Variants in INHBC observed in about 807,000 individuals in gnomAD.
The protein encoded by INHBC is inhibin subunit beta C.
A neutral mutation model predicts 12.4 loss-of-function variants in INHBC; 10 were observed. That is an observed-to-expected ratio of 0.81 (90% CI 0.50 to 1.37). The LOEUF (loss-of-function observed/expected upper bound fraction) is 1.37. Ranked by LOEUF, INHBC falls within the 40% of genes most tolerant of loss-of-function variation. INHBC has a pLI of 0.00. For missense variants in INHBC, 382 were observed against 439.4 expected (o/e 0.87, Z 1.17); for synonymous variants, 147 against 171.6 (o/e 0.86, Z 1.12).
At chr12:57,447,892 A>AAAAAAAATAC (rs1555325179) in intron 1 of INHBC, among the ~76,000 whole-genome samples, 1 of 19,852 alleles carries the variant, frequency 5.0e-5, no homozygotes, top group Non-Finnish European at 1.1e-4. Flanking sequence ...AAAAAAAAAA[A>AAAAAAAATAC]ATATATATAT....
chr12:57,436,247 C>A (rs1487849130), intron 1 of INHBC, among the ~76,000 whole-genome samples: 1 of 151,156 alleles, frequency 6.6e-6, no homozygotes, highest in African/African-American at 2.4e-5. Flanking sequence ...TCACTGCAAC[C>A]TCTGCCTCCT....
intron 1 of INHBC, among the ~76,000 whole-genome samples, 196 bp from the exon 2 acceptor site, chr12:57,449,081 C>T (rs1185413962): frequency 3.3e-5 from 5 of 152,204 alleles, no homozygotes; most frequent in African/African-American, 4.8e-5. Flanking sequence ...ATGACCCAAA[C>T]ACCTCCCATT....
chr12:57,449,651 A>T lies in INHBC; in HGVS notation c.688A>T (p.Lys230Ter). The T allele has an allele frequency of 6.2e-7, 1 of 1,614,244 alleles. No homozygotes were observed. Among genetic ancestry groups the T allele is most frequent in the Non-Finnish European group, 8.5e-7 (1 of 1,180,046 alleles). The stretch of plus-strand genomic sequence containing the variant: ...GGCAGCCCGGGTGAGAGTTGGGGGC[A>T]AACACCAGATTCACCGACGAGGCAT... ...FVAARVRVGGKHQIHRRGIDC... is the reference protein window; with the variant it reads ...FVAARVRVGG The change falls in exon 2 of 2, where the codon AAA becomes TAA. Residue 230 changes from lysine to a stop codon, truncating the protein, a stop_gained. Coordinates refer to ENST00000309668, the MANE Select transcript of INHBC (RefSeq NM_005538.4). LOFTEE classifies it high-confidence loss of function.
chr12:57,437,776 T>TTGTG (rs1297616303), intron 1 of INHBC, among the ~76,000 whole-genome samples: 1 of 94,934 alleles, frequency 1.1e-5, no homozygotes. Flanking sequence ...TCCCTCGTTT[T>TTGTG]TGTGTTTGTT....
intron 1 of INHBC, among the ~76,000 whole-genome samples, chr12:57,446,042 C>G (rs1175776606): frequency 6.6e-6 from 1 of 151,982 alleles, no homozygotes; most frequent in Non-Finnish European, 1.5e-5. Flanking sequence ...TCAAGCAATT[C>G]TCCTGCCTCA....
intron 1 of INHBC, among the ~76,000 whole-genome samples, chr12:57,440,132 T>C (rs1460367625): frequency 6.6e-6 from 1 of 152,238 alleles, no homozygotes; most frequent in Non-Finnish European, 1.5e-5. Context: ...AAGAACCTTT[T>C]GTCAGAGAGA....
chr12:57,446,763 A>G (rs1048446782), intron 1 of INHBC, among the ~76,000 whole-genome samples: 2 of 152,084 alleles, frequency 1.3e-5, no homozygotes, highest in Non-Finnish European at 2.9e-5. Flanking sequence ...TCAGTCTCCC[A>G]AAGTTCTGGG....
At position 57,446,242 on chromosome 12, in the gene INHBC, T is replaced by TG. The variant is rs569772583; in HGVS notation, c.314-3035_314-3034insG. 8.0e-3 allele frequency among the ~76,000 whole-genome samples: 1,205 copies of TG among 151,424 alleles called. 13 individuals are homozygous for TG. The highest frequency in any genetic ancestry group is 0.031 in the Middle Eastern group (9 of 292). On this transcript the variant is annotated intron_variant, in intron 1 of 1. Transcript: ENST00000309668. ...TGAGCCACCACACCCGGCCTAAAAATTTTTTTTTAATTAAAAAAAGAGATT... is the reference window on the plus strand; with the variant it reads ...TGAGCCACCACACCCGGCCTAAAAATGTTTTTTTTAATTAAAAAAAGAGATT...
rs1405313045 is a variant in INHBC, at chr12:57,449,974, C to T, written c.1011C>T (p.Val337=). ...ATTATGACAGGGACAGCAACATTGT[C>T]AAGACTGACATACCTGACATGGTAG... ...LLYYDRDSNI[V]KTDIPDMVVE... The change falls in exon 2 of 2, where the codon GTC becomes GTT. Residue 337 remains valine, a synonymous_variant. Transcript: ENST00000309668. The T allele has an allele frequency of 1.3e-6, 2 of 1,542,186 alleles. No individual in the cohort carries two copies. The highest frequency in any genetic ancestry group is 2.7e-5 in the African/African-American group (2 of 73,068).
At position 57,434,911 on chromosome 12, in the gene INHBC, T is replaced by G. The variant is rs1472513797; in HGVS notation, c.25T>G (p.Phe9Val). The G allele has an allele frequency of 1.9e-6, 3 of 1,613,482 alleles. No homozygotes were observed. In the Admixed American group the frequency reaches 5.0e-5, roughly 27 times the overall value. Residue 9 changes from phenylalanine (F) to valine (V), a missense_variant, in exon 1 of 2, where the codon TTT becomes GTT. Physicochemically the swap from Phe to Val is conservative, Grantham distance 50. Transcript: ENST00000309668. The part of the protein sequence containing the change: MTSSLLLA[F>V]LLLAPTTVAT... ...AATGACCTCCTCATTGCTTCTGGCC[T>G]TTCTCCTCCTGGCTCCAACCACAGT...
In INHBC at chr12:57,449,833, T is replaced by G; in HGVS notation, c.870T>G (p.Ile290Met). Residue 290 changes from isoleucine (I) to methionine (M), a missense_variant, in exon 2 of 2, where the codon ATT becomes ATG. Ile to Met is a conservative substitution (Grantham distance 10, BLOSUM62 1). Transcript: ENST00000309668. ...TACACATAGCAGGCATGCCTGGTATTGCTGCCTCCTTTCACACTGCAGTGC... is the reference window on the plus strand; with the variant it reads ...TACACATAGCAGGCATGCCTGGTATGGCTGCCTCCTTTCACACTGCAGTGC... ...CPLHIAGMPG[I>M]AASFHTAVLN... The G allele has an allele frequency of 5.0e-6, 8 of 1,612,932 alleles. No individual in the cohort carries two copies. The highest frequency in any genetic ancestry group is 5.9e-6 in the Non-Finnish European group (7 of 1,179,230).
intron 1 of INHBC, among the ~76,000 whole-genome samples, chr12:57,444,463 C>G (rs1870533690): frequency 6.6e-6 from 1 of 151,286 alleles, no homozygotes; most frequent in Non-Finnish European, 1.5e-5. Context: ...ATTGCTTGAA[C>G]CGGGTAGGTG....
At chr12:57,447,896 TATATATATATATATATATATATATATAAA>T (rs1870621794) in intron 1 of INHBC, among the ~76,000 whole-genome samples, 1 of 45,494 alleles carries the variant, frequency 2.2e-5, no homozygotes, top group Non-Finnish European at 4.5e-5. Context: ...AAAAAAAATA[TATATATATATATATATATATATATATAAA>T]ATATATGTGT....
At position 57,451,159 on chromosome 12, in the gene INHBC, T is replaced by C. The variant is rs780770183; in HGVS notation, c.*1137T>C. 6.2e-4 allele frequency among the ~76,000 whole-genome samples: 94 copies of C among 152,166 alleles called. 1 individual carries two copies. The highest frequency in any genetic ancestry group is 5.3e-4 in the Non-Finnish European group (36 of 68,036). On this transcript the variant is annotated 3_prime_UTR_variant, in exon 2 of 2. Coordinates refer to ENST00000309668, the MANE Select transcript of INHBC (RefSeq NM_005538.4). Reference sequence around the variant, plus strand: ...CTTAGGCACCCCGTCCCTCCATCCTTCCAGAACCATCTTTGAGGTCTCATG... The same window carrying C: ...CTTAGGCACCCCGTCCCTCCATCCTCCCAGAACCATCTTTGAGGTCTCATG...
chr12:57,441,780 C>T (rs1218017954), intron 1 of INHBC, among the ~76,000 whole-genome samples: 1 of 151,436 alleles, frequency 6.6e-6, no homozygotes, highest in Non-Finnish European at 1.5e-5. Context: ...CTCCAGGGTT[C>T]AAGAGATTCT....
At chr12:57,449,250 A>G (rs1385033478) in intron 1 of INHBC, 27 bp from the exon 2 acceptor site, 1 of 1,586,134 alleles carries the variant, frequency 6.3e-7, no homozygotes, top group African/African-American at 1.4e-5. Flanking sequence ...AGAAGGCCGC[A>G]ATGACTGGGG....
At position 57,443,850 on chromosome 12, in the gene INHBC, G is replaced by A. The variant is rs768132330; in HGVS notation, c.314-5427G>A. Among the ~76,000 whole-genome samples, 7 of 151,790 alleles carry A rather than the reference G, an allele frequency of 4.6e-5. 1 individual carries two copies. The highest frequency in any genetic ancestry group is 6.4e-3 in the Middle Eastern group (2 of 314). On this transcript the variant is annotated intron_variant, in intron 1 of 1. Coordinates refer to ENST00000309668, the MANE Select transcript of INHBC (RefSeq NM_005538.4). ...GTCACCCAGGCTGGAGTGCAGTGGC[G>A]TGATCTCTGCTCACTGCAACCTTTG...
chr12:57,442,873 C>T (rs1167900588), intron 1 of INHBC, among the ~76,000 whole-genome samples: 1 of 151,784 alleles, frequency 6.6e-6, no homozygotes, highest in African/African-American at 2.4e-5. Flanking sequence ...TGCCTCTAAT[C>T]CCAGCTACTC....
chr12:57,449,234 ACAGT>A (rs1870651596), intron 1 of INHBC, 39 bp from the exon 2 acceptor site: 5 of 1,565,180 alleles, frequency 3.2e-6, no homozygotes, highest in South Asian at 1.2e-5. Flanking sequence ...GGTAGAACTG[ACAGT>A]CAGAAGGCCG....
Sources: gnomAD v4.1 joint callset for allele counts (sites outside exome capture counted in the v4.1 genomes callset) on GRCh38, gnomAD v4.1.1 for gene constraint, MANE v1.5 for transcripts, NCBI Gene and HGNC (gene_info 2026-07-23, HGNC 2026-07-21) for gene names.